Variants in SLBP observed in about 807,000 individuals in gnomAD.
SLBP encodes the protein stem-loop histone mRNA binding protein, also known as histone RNA hairpin-binding protein.
Under a neutral mutation model 39.2 loss-of-function variants are expected in SLBP, and 29 were observed. That is an observed-to-expected ratio of 0.74 (90% confidence interval 0.55 to 1.01). SLBP has a LOEUF of 1.01. Ranked by LOEUF, SLBP falls within the 50% of genes least tolerant of loss-of-function variation. SLBP has a pLI of 0.00. For synonymous variants in SLBP, 129 were observed against 118.7 expected (o/e 1.09, Z -0.57); for missense variants, 390 against 350.2 (o/e 1.11, Z -0.91).
At chr4:1,699,520 A>G (rs1716245023) in intron 5 of SLBP, 44 bp downstream of exon 5, 2 of 1,608,392 alleles carry the variant, frequency 1.2e-6, no homozygotes, top group Non-Finnish European at 1.7e-6. Context: ...TAGAAACGCA[A>G]TGCCACACAG....
Position 1,700,029 on chromosome 4 carries a change from C to A in SLBP, c.323G>T (p.Arg108Ile), listed in dbSNP as rs1443176521. The A allele has an allele frequency of 6.3e-7, 1 of 1,599,304 alleles. No homozygotes were observed. Among genetic ancestry groups the A allele is most frequent in the South Asian group, 1.1e-5 (1 of 88,904 alleles). Residue 108 changes from arginine (R) to isoleucine (I), a missense_variant, in exon 4 of 8, where the codon AGA becomes ATA. By Grantham distance (97) the Arg-to-Ile change is moderately conservative. Transcript: ENST00000489418. ...KLLINDFGRE[R>I]KSSSGSSDSK... ...CCTTTACCTTCCTGATGATGATTTT[C>A]TCTCTCTTCCAAAGTCATTGATGAG... is the stretch of plus-strand genomic sequence containing the variant.
chr4:1,711,591 G>C lies in SLBP; in HGVS notation c.176+283C>G, dbSNP rs1355867312. ...ACGTGTTCACGAGAAGCTCGTCAGA[G>C]ACCCTGACCTCTCCCGGGAGCACAA... On this transcript the variant is annotated intron_variant, in intron 2 of 7. Transcript: ENST00000489418. 2.6e-5 allele frequency among the ~76,000 whole-genome samples: 4 copies of C among 152,236 alleles called. No homozygotes were observed. The East Asian group carries it at 7.7e-4, about 29-fold the overall frequency.
At chr4:1,700,154 C>T (rs757495698) in intron 3 of SLBP, 84 bp from the exon 4 acceptor site, 34 of 843,634 alleles carry the variant, frequency 4.0e-5, no homozygotes, top group African/African-American at 6.9e-5. Context: ...CCCTGATGCC[C>T]GCAGGCACAC....
chr4:1,711,660 G>C (rs544449913), intron 2 of SLBP, among the ~76,000 whole-genome samples: 1 of 152,370 alleles, frequency 6.6e-6, no homozygotes, highest in East Asian at 1.9e-4. Flanking sequence ...CGGTTCAGCT[G>C]ACTCCCATCC....
At chr4:1,695,844 GC>G (rs1384233029) in intron 6 of SLBP, among the ~76,000 whole-genome samples, 3 of 151,596 alleles carry the variant, frequency 2.0e-5, no homozygotes, top group Admixed American at 1.3e-4. Flanking sequence ...TCATGGTTGA[GC>G]CGAAATGACT....
At position 1,703,533 on chromosome 4, in the gene SLBP, C is replaced by A. The variant is rs1391478373; in HGVS notation, c.281+63G>T. The A allele has an allele frequency of 5.4e-5, 55 of 1,027,700 alleles. No individual in the cohort carries two copies. In the South Asian group the frequency reaches 6.5e-4, roughly 12 times the overall value. The allele number at this position is 1,027,700 out of a possible 1,614,324, so 63.7% of individuals were successfully genotyped here. A position where few individuals can be genotyped will look rare whatever the true frequency, so the allele number is the denominator to read the frequency against. ...AAAACCACTGTTCTAAGACAAATAT[C>A]AAATTTAATGTGTTACTGAAAACGC... On this transcript the variant is annotated intron_variant, in intron 3 of 7. Coordinates refer to ENST00000489418, the MANE Select transcript of SLBP (RefSeq NM_006527.4).
At chr4:1,711,188 C>A (rs1262020273) in intron 2 of SLBP, among the ~76,000 whole-genome samples, 1 of 151,802 alleles carries the variant, frequency 6.6e-6, no homozygotes, top group African/African-American at 2.4e-5. Context: ...CCATCCCCAA[C>A]CCATCAGCAA....
chr4:1,704,937 TTC>T (rs1716464382), intron 2 of SLBP, among the ~76,000 whole-genome samples: 1 of 152,138 alleles, frequency 6.6e-6, no homozygotes, highest in Non-Finnish European at 1.5e-5. Context: ...TTTTTTTTTT[TTC>T]TTTTTGAGAC....
intron 3 of SLBP, among the ~76,000 whole-genome samples, chr4:1,700,297 T>C (rs559550400): frequency 1.3e-5 from 2 of 152,146 alleles, no homozygotes; most frequent in South Asian, 2.1e-4. Context: ...AAACAAAACA[T>C]AAATTGAAAT....
intron 2 of SLBP, among the ~76,000 whole-genome samples, chr4:1,706,855 G>C (rs957065901): frequency 1.3e-5 from 2 of 151,634 alleles, no homozygotes; most frequent in African/African-American, 4.9e-5. Context: ...ATAATAGTCC[G>C]GGCGTGGTGG....
chr4:1,704,693 G>GT (rs1287066183), intron 2 of SLBP, among the ~76,000 whole-genome samples: 1 of 152,146 alleles, frequency 6.6e-6, no homozygotes, highest in South Asian at 2.1e-4. Flanking sequence ...GCTCTGCAAG[G>GT]TAAGTCTCTA....
intron 1 of SLBP, 62 bp downstream of exon 1, chr4:1,712,068 C>T: frequency 1.6e-6 from 2 of 1,233,348 alleles, no homozygotes; most frequent in Non-Finnish European, 2.0e-6. Context: ...ACACCCCGGC[C>T]CCGCACAACC....
chr4:1,695,998 A>C (rs1716090912), intron 6 of SLBP, among the ~76,000 whole-genome samples: 1 of 152,192 alleles, frequency 6.6e-6, no homozygotes, highest in Admixed American at 6.6e-5. Context: ...TTGAAAAAAT[A>C]AATTCAATCC....
Position 1,712,273 on chromosome 4 carries a change from G to T in SLBP, c.-85C>A, listed in dbSNP as rs1474501586. 3.5e-6 allele frequency: 3 copies of T among 867,118 alleles called. No individual in the cohort carries two copies. The highest frequency in any genetic ancestry group is 4.7e-6 in the Non-Finnish European group (3 of 634,392). The allele number at this position is 867,118 out of a possible 1,614,324, so 53.7% of individuals were successfully genotyped here. A position where few individuals can be genotyped will look rare whatever the true frequency, so the allele number is the denominator to read the frequency against. ...GAGAGCGCAGAGTAGAGCAGGGCAG[G>T]GCCTGAGGCAGAAACCCGCGTCCCC... On this transcript the variant is annotated 5_prime_UTR_variant, in exon 1 of 8. Transcript: ENST00000489418.
chr4:1,711,840 C>A (rs768105405), intron 2 of SLBP, 34 bp downstream of exon 2: 31 of 1,187,882 alleles, frequency 2.6e-5, no homozygotes, highest in Non-Finnish European at 3.1e-5. Flanking sequence ...GTCAAGGGCC[C>A]CACCGCGCCC....
At chr4:1,694,526 G>A (rs150530852) in intron 7 of SLBP, among the ~76,000 whole-genome samples, 7 of 151,846 alleles carry the variant, frequency 4.6e-5, no homozygotes, top group East Asian at 3.9e-4. Context: ...TGAGTAGCAC[G>A]GACTACAGGC....
At chr4:1,711,607 G>A (rs745600371) in intron 2 of SLBP, among the ~76,000 whole-genome samples, 5 of 152,196 alleles carry the variant, frequency 3.3e-5, no homozygotes, top group Non-Finnish European at 7.3e-5. Context: ...GACCTCTCCC[G>A]GGAGCACAAC....
intron 2 of SLBP, among the ~76,000 whole-genome samples, chr4:1,709,707 G>A (rs1307991128): frequency 6.6e-6 from 1 of 151,998 alleles, no homozygotes; most frequent in Non-Finnish European, 1.5e-5. Context: ...CGCCTCCCGG[G>A]TTCACACCAT....
chr4:1,696,918 C>T (rs1407095425), intron 5 of SLBP, among the ~76,000 whole-genome samples: 5 of 150,362 alleles, frequency 3.3e-5, no homozygotes, highest in Non-Finnish European at 7.4e-5. Flanking sequence ...AAAACAAACG[C>T]TGCTGGGTGT....
Sources: gnomAD v4.1 joint callset for allele counts (sites outside exome capture counted in the v4.1 genomes callset) on GRCh38, gnomAD v4.1.1 for gene constraint, MANE v1.5 for transcripts, NCBI Gene and HGNC (gene_info 2026-07-23, HGNC 2026-07-21) for gene names.